The following LRP5 variants were observed in gnomAD, a reference collection of about 807,000 sequenced individuals.
LRP5 encodes the protein low-density lipoprotein receptor-related protein 5.
LRP5 carries 62 observed loss-of-function variants against 154.1 expected under a neutral mutation model. That is an observed-to-expected ratio of 0.40 (90% CI 0.33 to 0.50). The LOEUF is 0.50. Among genes scored for constraint, LRP5 ranks in the 20% least tolerant of loss-of-function variants. The probability of loss-of-function intolerance (pLI) is 0.55; values close to 1 mark genes in which losing one functional copy is unlikely to be tolerated. For synonymous variants in LRP5, 966 were observed against 1,011.5 expected (o/e 0.96, Z 0.85); for missense variants, 1,915 against 2,336.7 (o/e 0.82, Z 3.72).
At chr11:68,400,487 G>A (rs1236038298) in intron 7 of LRP5, among the ~76,000 whole-genome samples, 1 of 152,174 alleles carries the variant, frequency 6.6e-6, no homozygotes, top group East Asian at 1.9e-4. Context: ...TTGGGAGGCT[G>A]AGGCGGGCAG....
At chr11:68,392,719 T>A (rs2098647034) in intron 7 of LRP5, among the ~76,000 whole-genome samples, 1 of 152,144 alleles carries the variant, frequency 6.6e-6, no homozygotes, top group Non-Finnish European at 1.5e-5. Flanking sequence ...GGGGGTTCAC[T>A]TCTTCTGGAC....
intron 2 of LRP5, among the ~76,000 whole-genome samples, chr11:68,351,096 G>A (rs940925333): frequency 1.3e-5 from 2 of 152,150 alleles, no homozygotes; most frequent in African/African-American, 2.4e-5. Flanking sequence ...GTGTAAGTAT[G>A]GGGTACCAGC....
chr11:68,439,832 C>G lies in LRP5; in HGVS notation c.4404C>G (p.Gly1468=). Residue 1468 remains glycine, a synonymous_variant, in exon 21 of 23, where the codon GGC becomes GGG. Coordinates refer to ENST00000294304, the MANE Select transcript of LRP5 (RefSeq NM_002335.4). ...MSSVSLMGGR[G]GVPLYDRNHV... ...CCGTGAGCCTGATGGGGGGCCGGGG[C>G]GGGGTGCCCCTCTACGACCGGAACC... The G allele has an allele frequency of 6.2e-7, 1 of 1,607,960 alleles. No homozygotes were observed. The highest frequency in any genetic ancestry group is 1.1e-5 in the South Asian group (1 of 90,452).
chr11:68,359,043 A>G (rs1197928781), intron 3 of LRP5, among the ~76,000 whole-genome samples: 2 of 152,250 alleles, frequency 1.3e-5, no homozygotes, highest in African/African-American at 4.8e-5. Context: ...TTTGCTCCAC[A>G]CTTGCCAGGC....
upstream of LRP5, among the ~76,000 whole-genome samples, chr11:68,308,923 A>ATTTTTTTTTTTTTTT (rs34529621): frequency 1.3e-5 from 1 of 74,482 alleles, no homozygotes; most frequent in Non-Finnish European, 2.4e-5. Flanking sequence ...TAATCAGCTA[A>ATTTTTTTTTTTTTTT]TTTTTTTTTT....
chr11:68,446,093 A>C (rs2098681275), intron 21 of LRP5, among the ~76,000 whole-genome samples: 1 of 152,168 alleles, frequency 6.6e-6, no homozygotes, highest in African/African-American at 2.4e-5. Flanking sequence ...GCCTGTGGGG[A>C]CATCTCCTAC....
rs1473229909 is a variant in LRP5 at position 68,443,572 on chromosome 11, TA to T, written c.4489-2863del. On this transcript the variant is annotated intron_variant, in intron 21 of 22. Coordinates refer to ENST00000294304, the MANE Select transcript of LRP5 (RefSeq NM_002335.4). ...ATATATATATATATATATATATATA[TA>T]TATATATATATATTTTTTTTTTTTT... Among the ~76,000 whole-genome samples, 81 of 44,352 alleles carry T rather than the reference TA, an allele frequency of 1.8e-3. 1 individual carries two copies. Among genetic ancestry groups the T allele is most frequent in the Middle Eastern group, 0.011 (1 of 90 alleles). The allele number at this position is 44,352 out of a possible 152,430, so 29.1% of individuals were successfully genotyped here. A position where few individuals can be genotyped will look rare whatever the true frequency, so the allele number is the denominator to read the frequency against.
chr11:68,424,374 C>T (rs540709717), intron 14 of LRP5, among the ~76,000 whole-genome samples: 13 of 152,278 alleles, frequency 8.5e-5, no homozygotes, highest in East Asian at 5.8e-4. Context: ...TGACCTTGGG[C>T]GGGTGGCATA....
chr11:68,335,701 GAGC>G (rs1182646309), intron 1 of LRP5, among the ~76,000 whole-genome samples: 3 of 152,152 alleles, frequency 2.0e-5, no homozygotes, highest in African/African-American at 7.2e-5. Context: ...ATGCACCTAG[GAGC>G]ACTACACAGC....
chr11:68,443,579 A>T (rs1319163393), intron 21 of LRP5, among the ~76,000 whole-genome samples: 2,475 of 39,276 alleles, frequency 0.063, 124 homozygotes, highest in African/African-American at 0.14. Context: ...ATATATATAT[A>T]TATATATTTT....
chr11:68,318,410 GCTTACTGCAGCCTCTACCTC>G (rs1255684562), intron 1 of LRP5, among the ~76,000 whole-genome samples: 1 of 148,988 alleles, frequency 6.7e-6, no homozygotes, highest in Admixed American at 6.8e-5. Flanking sequence ...TTCAGTCACC[GCTTACTGCAGCCTCTACCTC>G]CTGGGCTGAA....
At chr11:68,414,059 G>A (rs1361421348) in intron 12 of LRP5, 47 bp downstream of exon 12, 1 of 1,554,974 alleles carries the variant, frequency 6.4e-7, no homozygotes. Context: ...GTTAGATCAG[G>A]CTGGTTCTGG....
At chr11:68,445,481 G>A (rs2098680900) in intron 21 of LRP5, 5 of 584,844 alleles carry the variant, frequency 8.5e-6, no homozygotes, top group Middle Eastern at 3.1e-4. Context: ...TCTGTCTGGC[G>A]TGAAAGGCAG....
intron 19 of LRP5, among the ~76,000 whole-genome samples, chr11:68,437,520 C>T (rs1456036293): frequency 1.3e-5 from 2 of 152,172 alleles, no homozygotes; most frequent in African/African-American, 4.8e-5. Context: ...GGCAGTGGCT[C>T]CTGAAAGGCT....
In LRP5 at chr11:68,411,460, C is replaced by T. The variant is rs757838059; in HGVS notation, c.2343C>T (p.Gly781=). 1.1e-5 allele frequency: 18 copies of T among 1,612,392 alleles called. No homozygotes were observed. Among genetic ancestry groups the T allele is most frequent in the South Asian group, 8.8e-5 (8 of 91,036 alleles). The change falls in exon 11 of 23, where the codon GGC becomes GGT. Residue 781 remains glycine (G), a synonymous_variant. Coordinates refer to ENST00000294304, the MANE Select transcript of LRP5 (RefSeq NM_002335.4). ...GCTACATCTACTGGACCGAGTGGGGCGGCAAGCCGAGGATCGTGCGGGCCT... is the reference window on the plus strand; with the variant it reads ...GCTACATCTACTGGACCGAGTGGGGTGGCAAGCCGAGGATCGTGCGGGCCT... ...TKGYIYWTEW[G]GKPRIVRAFM... is the part of the protein sequence containing the mutation.
intron 9 of LRP5, among the ~76,000 whole-genome samples, chr11:68,409,236 ATAT>A (rs2098657950): frequency 7.1e-6 from 1 of 140,484 alleles, no homozygotes; most frequent in Non-Finnish European, 1.5e-5. Context: ...TATAAAATAT[ATAT>A]TATATAATAT....
Position 68,448,799 on chromosome 11 carries a change from T to A in LRP5, c.4587-10T>A. 1 of 1,603,190 alleles carries A rather than the reference T, an allele frequency of 6.2e-7. No individual in the cohort carries two copies. Reference sequence around the variant, plus strand: ...ACCGAATCCCACTCCTCTGTGTGTGTCCCTTTCAGGCCCTACATCATTCGA... The same window carrying A: ...ACCGAATCCCACTCCTCTGTGTGTGACCCTTTCAGGCCCTACATCATTCGA... On this transcript the variant is annotated splice_polypyrimidine_tract_variant and intron_variant, in intron 22 of 22. Coordinates refer to ENST00000294304, the MANE Select transcript of LRP5 (RefSeq NM_002335.4).
At chr11:68,345,097 A>T (rs916489587) in intron 1 of LRP5, among the ~76,000 whole-genome samples, 3 of 151,698 alleles carry the variant, frequency 2.0e-5, no homozygotes, top group Non-Finnish European at 4.4e-5. Context: ...TCCTGACTTC[A>T]GGTGATCCAC....
chr11:68,393,825 T>C (rs1378809532), intron 7 of LRP5, among the ~76,000 whole-genome samples: 1 of 152,090 alleles, frequency 6.6e-6, no homozygotes, highest in Non-Finnish European at 1.5e-5. Flanking sequence ...ATTAAAACAT[T>C]CATCACAGCC....
Sources: gnomAD v4.1 joint callset for allele counts (sites outside exome capture counted in the v4.1 genomes callset) on GRCh38, gnomAD v4.1.1 for gene constraint, MANE v1.5 for transcripts, NCBI Gene and HGNC (gene_info 2026-07-23, HGNC 2026-07-21) for gene names.